DNAH14: variants seen among roughly 807,000 people sequenced by gnomAD.
The protein encoded by DNAH14 is axonemal beta dynein heavy chain 14.
A neutral mutation model predicts 520.9 loss-of-function variants in DNAH14; 478 were observed. The observed-to-expected ratio is 0.92, with a 90% CI of 0.85 to 0.99. DNAH14 has a LOEUF of 0.99. DNAH14 is among the 50% of genes least tolerant of loss of function. The pLI, the probability that DNAH14 is intolerant of heterozygous loss-of-function variation, is 0.00. For missense variants in DNAH14, 4,831 were observed against 5,234.5 expected, an observed-to-expected ratio of 0.92 and a Z score of 2.38; for synonymous variants, 1,581 against 1,757.2, an observed-to-expected ratio of 0.90 and a Z score of 2.51.
At chr1:225,355,660 T>A (rs898955911) in intron 73 of DNAH14, among the ~76,000 whole-genome samples, 5 of 152,160 alleles carry the variant, frequency 3.3e-5, no homozygotes, top group African/African-American at 1.2e-4. Context: ...AAATATCAGA[T>A]TTTTTAAAAA....
At chr1:225,305,203 CCAGAAGCTG>C in intron 58 of DNAH14, 114 bp downstream of exon 58, 1 of 1,172,222 alleles carries the variant, frequency 8.5e-7, no homozygotes, top group Non-Finnish European at 1.2e-6. Context: ...GGACAAAAAG[CCAGAAGCTG>C]CAGAAGATCT....
Position 225,051,488 on chromosome 1 carries a change from G to T in DNAH14, c.2117G>T (p.Gly706Val), listed in dbSNP as rs1232071071. 1 of 1,537,500 alleles carries T rather than the reference G, an allele frequency of 6.5e-7. No homozygotes were observed. Among genetic ancestry groups the T allele is most frequent in the Admixed American group, 2.1e-5 (1 of 48,734 alleles). ...NLLTIIGNSM[G>V]LVNAYSHKFI... ...CTGACTATTATTGGTAATTCAATGG[G>T]CCTAGTTAATGCTTACAGCCACAAG... The change falls in exon 17 of 86, where the codon GGC (glycine) becomes GTC (valine). Residue 706 changes from glycine (G) to valine (V), a missense_variant. Transcript: ENST00000682510.
intron 21 of DNAH14, among the ~76,000 whole-genome samples, chr1:225,089,771 A>G (rs1326710159): frequency 2.0e-5 from 3 of 152,198 alleles, no homozygotes; most frequent in South Asian, 4.1e-4. Context: ...ACAGAATTCA[A>G]CATTCATTCC....
chr1:225,290,123 T>C, intron 55 of DNAH14, 41 bp downstream of exon 55: 1 of 1,307,134 alleles, frequency 7.7e-7, no homozygotes, highest in Non-Finnish European at 9.9e-7. Context: ...AAGTTTGATA[T>C]CTATGTGGCT....
At chr1:225,101,048 G>A (rs968732222) in intron 23 of DNAH14, among the ~76,000 whole-genome samples, 164 bp downstream of exon 23, 1 of 151,884 alleles carries the variant, frequency 6.6e-6, no homozygotes, top group Admixed American at 6.6e-5. Context: ...TAAAAATATT[G>A]TCAAAAGGAA....
chr1:225,119,760 T>G (rs1181678027), intron 26 of DNAH14, among the ~76,000 whole-genome samples: 1 of 152,212 alleles, frequency 6.6e-6, no homozygotes, highest in African/African-American at 2.4e-5. Flanking sequence ...GAAAAAAACC[T>G]CAGAGCGTGA....
chr1:225,269,088 G>T (rs1465386076), intron 49 of DNAH14, among the ~76,000 whole-genome samples: 6 of 152,146 alleles, frequency 3.9e-5, no homozygotes. Context: ...ATACTACAAG[G>T]CTACCGTAAC....
Position 225,374,681 on chromosome 1 carries a change from T to C in DNAH14, c.12319-7T>C. 1 of 1,543,490 alleles carries C rather than the reference T, an allele frequency of 6.5e-7. No individual in the cohort carries two copies. On this transcript the variant is annotated splice_polypyrimidine_tract_variant and splice_region_variant and intron_variant, in intron 77 of 85. Coordinates refer to ENST00000682510, the MANE Select transcript of DNAH14 (RefSeq NM_001367479.1). ...TGAAATAATAAAGACTCATGGGTTT[T>C]CCAAAGGTTGCCATTAAGGTGTTGG...
Position 225,333,598 on chromosome 1 carries a change from C to T in DNAH14, c.10080+92C>T, listed in dbSNP as rs2094847389. The T allele has an allele frequency of 4.5e-6, 5 of 1,120,076 alleles. No individual in the cohort carries two copies. The Admixed American group carries it at 1.4e-4, about 31-fold the overall frequency. 69.4% of individuals were successfully genotyped at this position (1,120,076 alleles called of 1,614,324 possible). On this transcript the variant is annotated intron_variant, in intron 66 of 85. Transcript: ENST00000682510. ...GTAGTTTCGGCCTTGGATGTTGTCC[C>T]AAAATTATTTTGATAAATGAAAATA...
At chr1:225,325,131 AG>A (rs1390254003) in intron 64 of DNAH14, among the ~76,000 whole-genome samples, 4 of 151,276 alleles carry the variant, frequency 2.6e-5, no homozygotes, top group African/African-American at 9.7e-5. Context: ...AGTTTACCAA[AG>A]CCTTAAACAG....
intron 39 of DNAH14, 124 bp from the exon 40 acceptor site, chr1:225,205,847 A>T: frequency 1.4e-6 from 1 of 719,530 alleles, no homozygotes; most frequent in South Asian, 1.9e-5. Flanking sequence ...CATTCACTCT[A>T]GTGTTTTCTA....
chr1:225,268,601 C>T (rs764270253), intron 49 of DNAH14, among the ~76,000 whole-genome samples: 1 of 152,186 alleles, frequency 6.6e-6, no homozygotes, highest in Non-Finnish European at 1.5e-5. Context: ...CCCAAAATCT[C>T]CTTAAGCTGA....
intron 60 of DNAH14, among the ~76,000 whole-genome samples, chr1:225,312,506 C>T (rs1361212586): frequency 1.3e-5 from 2 of 152,156 alleles, no homozygotes; most frequent in Admixed American, 1.3e-4. Flanking sequence ...TGAGAGAAGG[C>T]ATCCTTGTCT....
chr1:225,127,408 T>G (rs922829825), intron 27 of DNAH14, among the ~76,000 whole-genome samples: 1 of 151,932 alleles, frequency 6.6e-6, no homozygotes, highest in African/African-American at 2.4e-5. Flanking sequence ...TGGGTGCATA[T>G]ATATTTAGGA....
At chr1:225,310,798 T>C (rs2094348834) in intron 60 of DNAH14, among the ~76,000 whole-genome samples, 1 of 152,222 alleles carries the variant, frequency 6.6e-6, no homozygotes, top group Non-Finnish European at 1.5e-5. Context: ...TATGGCTGCA[T>C]AGTATTCCAT....
At chr1:225,340,057 A>ACT (rs1553340442) in intron 68 of DNAH14, among the ~76,000 whole-genome samples, 2 of 151,424 alleles carry the variant, frequency 1.3e-5, no homozygotes, top group East Asian at 3.9e-4. Context: ...AGCTATTGAA[A>ACT]TTTTTTTTTA....
intron 8 of DNAH14, among the ~76,000 whole-genome samples, chr1:224,993,307 C>T (rs2063179218): frequency 6.6e-6 from 1 of 152,104 alleles, no homozygotes; most frequent in South Asian, 2.1e-4. Flanking sequence ...TGGTAGTGTT[C>T]TGCTGTGAAG....
At chr1:225,387,671 T>A (rs2095857762) in intron 81 of DNAH14, among the ~76,000 whole-genome samples, 1 of 151,802 alleles carries the variant, frequency 6.6e-6, no homozygotes, top group Non-Finnish European at 1.5e-5. Flanking sequence ...CAGGAGGAAG[T>A]AATGAGCGCC....
intron 21 of DNAH14, among the ~76,000 whole-genome samples, chr1:225,091,931 G>GA (rs957838552): frequency 2.6e-5 from 4 of 151,866 alleles, no homozygotes; most frequent in African/African-American, 4.8e-5. Context: ...TCTAATTTCA[G>GA]AAAAAAGCAA....
Sources: allele counts gnomAD v4.1 joint callset (sites outside exome capture counted in the v4.1 genomes callset), GRCh38; gene constraint gnomAD v4.1.1; transcripts MANE v1.5; gene names NCBI Gene and HGNC (gene_info 2026-07-23, HGNC 2026-07-21).